The following PANK4 variants were observed in gnomAD, a reference collection of about 807,000 sequenced individuals.
PANK4 encodes 4'-phosphopantetheine phosphatase.
In PANK4, 40 loss-of-function variants were observed where a neutral mutation model predicts 87.9. The ratio of observed to expected loss-of-function variants is 0.46; its 90% CI spans 0.35 to 0.59. The LOEUF is 0.59. PANK4 is among the 20% of genes least tolerant of loss of function. PANK4 has a pLI of 0.00. For missense variants in PANK4, 926 were observed against 1,072.3 expected (o/e 0.86, Z 1.90); for synonymous variants, 524 against 467.4 (o/e 1.12, Z -1.56).
At chr1:2,518,122 C>G (rs1422227116) in intron 9 of PANK4, 42 bp downstream of exon 9, 1 of 1,282,000 alleles carries the variant, frequency 7.8e-7, no homozygotes. Flanking sequence ...GCGGCATAGG[C>G]TGCTCCCCTG....
intron 9 of PANK4, among the ~76,000 whole-genome samples, chr1:2,516,185 G>A (rs934824942): frequency 7.9e-5 from 12 of 152,132 alleles, no homozygotes; most frequent in Non-Finnish European, 1.3e-4. Context: ...ACAGAGGTTT[G>A]GGGTTCTGTC....
rs1327630353 is a variant in PANK4 at position 2,508,769 on chromosome 1, T to G, written c.*78A>C. ...AGCAGTACCATATAAATACGTTGAT[T>G]TGAACGCAGTTTCCCTGTGGTGGTA... On this transcript the variant is annotated 3_prime_UTR_variant, in exon 19 of 19. Coordinates refer to ENST00000378466, the MANE Select transcript of PANK4 (RefSeq NM_018216.4). This position sits in a 1 kb window ranked among gnomAD's most constrained non-coding sequence, Gnocchi z 5.1. 1.2e-6 allele frequency: 1 copy of G among 865,338 alleles called. No individual in the cohort carries two copies. Among genetic ancestry groups the G allele is most frequent in the African/African-American group, 1.7e-5 (1 of 59,858 alleles). The allele number at this position is 865,338 out of a possible 1,614,324, so 53.6% of individuals were successfully genotyped here. A position where few individuals can be genotyped will look rare whatever the true frequency, so the allele number is the denominator to read the frequency against.
chr1:2,509,729 T>C lies in PANK4; in HGVS notation c.2108+133A>G. On this transcript the variant is annotated intron_variant, in intron 18 of 18. Coordinates refer to ENST00000378466, the MANE Select transcript of PANK4 (RefSeq NM_018216.4). This position sits in a 1 kb window ranked among gnomAD's most constrained non-coding sequence, Gnocchi z 4.9. ...CATATCTGTCCCCTCCTGAGATCAA[T>C]CCGGGCCTGGGGTCAGGAGAGGCCG... is the stretch of plus-strand genomic sequence containing the variant. The C allele has an allele frequency of 1.3e-6, 1 of 751,090 alleles. No homozygotes were observed. Among genetic ancestry groups the C allele is most frequent in the Non-Finnish European group, 2.3e-6 (1 of 432,966 alleles). The allele number at this position is 751,090 out of a possible 1,614,324, so 46.5% of individuals were successfully genotyped here.
intron 9 of PANK4, among the ~76,000 whole-genome samples, chr1:2,516,997 G>T (rs1643792544): frequency 6.6e-6 from 1 of 152,236 alleles, no homozygotes; most frequent in African/African-American, 2.4e-5. Flanking sequence ...TAGGTAACAA[G>T]CGCCTCCTGA....
At position 2,510,859 on chromosome 1, in the gene PANK4, A is replaced by T. The variant is rs1297423429; in HGVS notation, c.1834-77T>A. On this transcript the variant is annotated intron_variant, in intron 15 of 18. Coordinates refer to ENST00000378466, the MANE Select transcript of PANK4 (RefSeq NM_018216.4). This position sits in a 1 kb window ranked among gnomAD's most constrained non-coding sequence, Gnocchi z 4.9. The stretch of plus-strand genomic sequence containing the variant: ...TCAGTCCGCACCCCTGCTGCCCGTC[A>T]CGCTGCCCTGCAGGGGCCGAGACTG... 2 of 868,996 alleles carry T rather than the reference A, an allele frequency of 2.3e-6. No homozygotes were observed. The highest frequency in any genetic ancestry group is 4.8e-5 in the East Asian group (2 of 41,304). 53.8% of individuals were successfully genotyped at this position (868,996 alleles called of 1,614,324 possible). A position where few individuals can be genotyped will look rare whatever the true frequency, so the allele number is the denominator to read the frequency against.
In PANK4 at chr1:2,519,255, C is replaced by T; in HGVS notation, c.923G>A (p.Cys308Tyr). 3 of 1,612,576 alleles carry T rather than the reference C, an allele frequency of 1.9e-6. No homozygotes were observed. The highest frequency in any genetic ancestry group is 2.5e-6 in the Non-Finnish European group (3 of 1,179,736). Reference protein sequence around the residue: ...MISNDIGQLACLHARLHSLDR... With the variant: ...MISNDIGQLAYLHARLHSLDR... ...CAGGCTGTGCAGCCGTGCGTGGAGG[C>T]AGGCCAGCTGCCCAATGTCGTTGCT... is the stretch of plus-strand genomic sequence containing the variant. Residue 308 changes from cysteine to tyrosine, a missense_variant, in exon 7 of 19, where the codon TGC becomes TAC. Coordinates refer to ENST00000378466, the MANE Select transcript of PANK4 (RefSeq NM_018216.4). This position sits in a 1 kb window ranked among gnomAD's most constrained non-coding sequence, Gnocchi z 8.3.
rs1185852842 is a variant in PANK4, at chr1:2,511,384, C to G, written c.1787G>C (p.Arg596Thr). 2.5e-6 allele frequency: 4 copies of G among 1,609,768 alleles called. No individual in the cohort carries two copies. The highest frequency in any genetic ancestry group is 3.4e-6 in the Non-Finnish European group (4 of 1,176,936). Residue 596 changes from arginine to threonine, a missense_variant, in exon 15 of 19, where the codon AGA (arginine) becomes ACA (threonine). Transcript: ENST00000378466. ...FEEAKRKLQE[R>T]PWLVDSYSEW... ...GCTGTAGGAATCCACGAGCCAGGGT[C>G]TTTCTGAGACAGAGAGAGGGACACA...
rs759142952 is a variant in PANK4 at position 2,511,289 on chromosome 1, G to A, written c.1833+49C>T. ...ACCTCCCTCCAGTGACCACCCCCCC[G>A]GGCCCCGCTGTGTCCCCAGCAGCAG... On this transcript the variant is annotated intron_variant, in intron 15 of 18. Coordinates refer to ENST00000378466, the MANE Select transcript of PANK4 (RefSeq NM_018216.4). 1.2e-5 allele frequency: 17 copies of A among 1,380,220 alleles called. No homozygotes were observed. In the African/African-American group the frequency reaches 1.3e-4, roughly 10 times the overall value. 85.5% of individuals were successfully genotyped at this position (1,380,220 alleles called of 1,614,324 possible).
rs190184245 is a variant in PANK4 at position 2,518,221 on chromosome 1, G to A, written c.1161C>T (p.Ser387=). 2.4e-5 allele frequency: 39 copies of A among 1,611,892 alleles called. No individual in the cohort carries two copies. In the East Asian group the frequency reaches 3.1e-4, roughly 13 times the overall value. Residue 387 remains serine, a synonymous_variant, in exon 9 of 19, where the codon TCC becomes TCT. Coordinates refer to ENST00000378466, the MANE Select transcript of PANK4 (RefSeq NM_018216.4). The stretch of plus-strand genomic sequence containing the variant: ...GCTCGGGTGATGCACTCATCAGCCC[G>A]GAGCTGCCTGCATAGTTCTCTCCCC... The part of the protein sequence containing the change: ...YSWGENYAGS[S]GLMSASPELG...
At chr1:2,512,850 C>T (rs1462223822) in intron 13 of PANK4, 38 bp downstream of exon 13, 10 of 1,606,986 alleles carry the variant, frequency 6.2e-6, no homozygotes, top group Non-Finnish European at 6.8e-6. Flanking sequence ...CAGGCACCCA[C>T]AGGCTGCAGA....
chr1:2,519,769 T>C lies in PANK4; in HGVS notation c.853+32A>G. On this transcript the variant is annotated intron_variant, in intron 6 of 18. Coordinates refer to ENST00000378466, the MANE Select transcript of PANK4 (RefSeq NM_018216.4). This position sits in a 1 kb window ranked among gnomAD's most constrained non-coding sequence, Gnocchi z 8.3. The stretch of plus-strand genomic sequence containing the variant: ...GAGACCCCAAGTGTCCCCACCATCC[T>C]GCTCTCTGGCGGCAGAGGCCGGGGT... 1 of 1,543,856 alleles carries C rather than the reference T, an allele frequency of 6.5e-7. No homozygotes were observed. The highest frequency in any genetic ancestry group is 1.4e-5 in the African/African-American group (1 of 73,650).
At chr1:2,511,719 A>G (rs371979741) in intron 13 of PANK4, 36 bp from the exon 14 acceptor site, 3 of 1,384,910 alleles carry the variant, frequency 2.2e-6, no homozygotes, top group Non-Finnish European at 3.1e-6. Flanking sequence ...TTAAGACAAC[A>G]GAACAAAAAC....
At chr1:2,517,260 C>T (rs986097372) in intron 9 of PANK4, among the ~76,000 whole-genome samples, 5 of 152,206 alleles carry the variant, frequency 3.3e-5, no homozygotes, top group Non-Finnish European at 5.9e-5. Context: ...TGCGTCTGTG[C>T]GAGGCCGTGG....
rs1231450509 is a variant in PANK4 at position 2,515,435 on chromosome 1, C to T, written c.1374+127G>A. On this transcript the variant is annotated intron_variant, in intron 10 of 18. Coordinates refer to ENST00000378466, the MANE Select transcript of PANK4 (RefSeq NM_018216.4). This position sits in a 1 kb window ranked among gnomAD's most constrained non-coding sequence, Gnocchi z 5.0. ...CCAAAATCGCCCCCTCACTCAGACG[C>T]AGATCAAGGGGTTTCTGGACAACAC... 9.4e-7 allele frequency: 1 copy of T among 1,068,460 alleles called. No individual in the cohort carries two copies. Among genetic ancestry groups the T allele is most frequent in the Non-Finnish European group, 1.4e-6 (1 of 703,120 alleles). 66.2% of individuals were successfully genotyped at this position (1,068,460 alleles called of 1,614,324 possible).
Position 2,508,832 on chromosome 1 carries a change from GGCAGCT to G in PANK4, c.*9_*14del. 1 of 1,470,830 alleles carries G rather than the reference GGCAGCT, an allele frequency of 6.8e-7. No homozygotes were observed. Among genetic ancestry groups the G allele is most frequent in the Non-Finnish European group, 9.4e-7 (1 of 1,060,730 alleles). 91.1% of individuals were successfully genotyped at this position (1,470,830 alleles called of 1,614,324 possible). A position where few individuals can be genotyped will look rare whatever the true frequency, so the allele number is the denominator to read the frequency against. ...TGACAAGTGACAAGCAGAAGAGTCC[GGCAGCT>G]GCAGCGCCTCACTCGGCTGGGACCT... On this transcript the variant is annotated 3_prime_UTR_variant, in exon 19 of 19. Transcript: ENST00000378466. The surrounding 1 kb of genome is among the most constrained non-coding windows in gnomAD (Gnocchi z 5.1).
At chr1:2,511,468 C>T (rs942219690) in intron 14 of PANK4, 81 bp from the exon 15 acceptor site, 1 of 1,220,178 alleles carries the variant, frequency 8.2e-7, no homozygotes, top group South Asian at 1.2e-5. Flanking sequence ...GTGTTCGTCT[C>T]TCCAGGAAGC....
In PANK4 at chr1:2,514,017, C is replaced by T. The variant is rs543817259; in HGVS notation, c.1560G>A (p.Pro520=). 3.1e-5 allele frequency: 50 copies of T among 1,612,168 alleles called. No homozygotes were observed. In the East Asian group the frequency reaches 5.3e-4, roughly 17 times the overall value. The change falls in exon 12 of 19, where the codon CCG becomes CCA. Residue 520 remains proline, a synonymous_variant. Coordinates refer to ENST00000378466, the MANE Select transcript of PANK4 (RefSeq NM_018216.4). ...CTGCACTTACTTTGGAGTAGGGATC[C>T]GGGAAGTTGAACTCGTTCAGACAGT... ...REHCLNEFNF[P]DPYSKVKQRE...
rs944808128 is a variant in PANK4, at chr1:2,508,638, C to T, written c.*209G>A. On this transcript the variant is annotated 3_prime_UTR_variant, in exon 19 of 19. Transcript: ENST00000378466. This position sits in a 1 kb window ranked among gnomAD's most constrained non-coding sequence, Gnocchi z 5.1. The stretch of plus-strand genomic sequence containing the variant: ...TATATATATATATATATAAAAGGTT[C>T]TTTAGCAGTTAAATAGATTCCAATA... The T allele has an allele frequency of 6.9e-4, 286 of 416,654 alleles. 4 individuals carry two copies. Among genetic ancestry groups the T allele is most frequent in the Non-Finnish European group, 1.3e-4 (31 of 237,628 alleles). 25.8% of individuals were successfully genotyped at this position (416,654 alleles called of 1,614,324 possible).
At chr1:2,523,638 C>T (rs772654540) in intron 1 of PANK4, among the ~76,000 whole-genome samples, 4 of 152,220 alleles carry the variant, frequency 2.6e-5, no homozygotes, top group Non-Finnish European at 5.9e-5. Flanking sequence ...CTCCCTGAGA[C>T]CCCTGCACGG....
Sources: gnomAD v4.1 joint callset for allele counts (sites outside exome capture counted in the v4.1 genomes callset) on GRCh38, gnomAD v4.1.1 for gene constraint, Gnocchi (gnomAD v3.1) non-coding constraint, MANE v1.5 for transcripts, NCBI Gene and HGNC (gene_info 2026-07-23, HGNC 2026-07-21) for gene names.